PHLPP1: variants seen among roughly 807,000 people sequenced by gnomAD.
PHLPP1 encodes PH domain and leucine rich repeat protein phosphatase 1, also known as PH domain leucine-rich repeat-containing protein phosphatase 1.
A neutral mutation model predicts 117.2 loss-of-function variants in PHLPP1; 42 were observed. The observed-to-expected ratio is 0.36, with a 90% CI of 0.28 to 0.46. The LOEUF is 0.46. PHLPP1 is among the 20% of genes least tolerant of loss of function. PHLPP1 has a pLI of 1.00. For synonymous variants in PHLPP1, 1,042 were observed against 970.7 expected (o/e 1.07, Z -1.37); for missense variants, 2,084 against 2,241.9 (o/e 0.93, Z 1.42).
chr18:62,842,381 T>G (rs76491354), intron 3 of PHLPP1, among the ~76,000 whole-genome samples: 1 of 151,976 alleles, frequency 6.6e-6, no homozygotes, highest in African/African-American at 2.4e-5. Context: ...TTTTTTTTTT[T>G]GAGATGGAGT....
At chr18:62,794,590 A>AT (rs1227413524) in intron 1 of PHLPP1, among the ~76,000 whole-genome samples, 1 of 151,792 alleles carries the variant, frequency 6.6e-6, no homozygotes, top group Non-Finnish European at 1.5e-5. Flanking sequence ...GTCAAGGTTG[A>AT]TTTTCAACTC....
At chr18:62,875,206 G>A (rs1170249128) in intron 4 of PHLPP1, among the ~76,000 whole-genome samples, 3 of 151,990 alleles carry the variant, frequency 2.0e-5, no homozygotes, top group Non-Finnish European at 2.9e-5. Flanking sequence ...TGCCCACCTC[G>A]GCCTCCTGAA....
chr18:62,731,181 GT>G (rs1344190191), intron 1 of PHLPP1: 2 of 151,944 alleles, frequency 1.3e-5, no homozygotes, highest in African/African-American at 2.4e-5. Context: ...ATTTTGGTGA[GT>G]CTTGCAATAT....
intron 1 of PHLPP1, among the ~76,000 whole-genome samples, chr18:62,824,888 C>T (rs1301749384): frequency 6.6e-6 from 1 of 151,266 alleles, no homozygotes; most frequent in Non-Finnish European, 1.5e-5. Flanking sequence ...ACCACCCCCA[C>T]CCCCCATTTT....
chr18:62,748,205 A>G (rs1039693426), intron 1 of PHLPP1, among the ~76,000 whole-genome samples: 2 of 151,000 alleles, frequency 1.3e-5, no homozygotes, highest in African/African-American at 4.9e-5. Flanking sequence ...TTTTGAGGCT[A>G]TGTTGATAAA....
chr18:62,931,056 G>T (rs1909790897), intron 10 of PHLPP1, among the ~76,000 whole-genome samples: 1 of 152,034 alleles, frequency 6.6e-6, no homozygotes, highest in Admixed American at 6.5e-5. Flanking sequence ...AATTAGCCGG[G>T]AATGGTGGCA....
chr18:62,858,734 C>T (rs1216807534), intron 3 of PHLPP1, among the ~76,000 whole-genome samples: 1 of 151,990 alleles, frequency 6.6e-6, no homozygotes, highest in African/African-American at 2.4e-5. Context: ...AGTTTGAGAC[C>T]ATCCTGGGCA....
intron 1 of PHLPP1, among the ~76,000 whole-genome samples, chr18:62,786,657 A>G (rs1913294071): frequency 6.6e-6 from 1 of 152,124 alleles, no homozygotes; most frequent in African/African-American, 2.4e-5. Flanking sequence ...ATGAATAAAA[A>G]ATCATTGACT....
chr18:62,949,056 TTTA>T (rs1910378337), intron 12 of PHLPP1, among the ~76,000 whole-genome samples: 1 of 152,198 alleles, frequency 6.6e-6, no homozygotes, highest in African/African-American at 2.4e-5. Flanking sequence ...GTATTAAAAT[TTTA>T]TTATTGAGTT....
chr18:62,732,728 C>T (rs907662634), intron 1 of PHLPP1, among the ~76,000 whole-genome samples: 6 of 152,320 alleles, frequency 3.9e-5, no homozygotes, highest in African/African-American at 9.6e-5. Context: ...TTCACCATTC[C>T]GGATGCCATT....
chr18:62,824,176 ACT>A, intron 1 of PHLPP1: 1 of 455,804 alleles, frequency 2.2e-6, no homozygotes, highest in South Asian at 1.6e-5. Context: ...AGCATCGGGA[ACT>A]CTCTGCACTG....
intron 1 of PHLPP1, among the ~76,000 whole-genome samples, chr18:62,740,142 G>T (rs1207183864): frequency 7.7e-6 from 1 of 129,444 alleles, no homozygotes; most frequent in Non-Finnish European, 1.6e-5. Flanking sequence ...ATCTGTAGGG[G>T]TGTGTATGTG....
At chr18:62,925,378 G>A (rs983712089) in intron 10 of PHLPP1, among the ~76,000 whole-genome samples, 2 of 152,118 alleles carry the variant, frequency 1.3e-5, no homozygotes, top group Admixed American at 1.3e-4. Context: ...TTTATTCCTG[G>A]GTGGACTAGT....
chr18:62,746,132 C>T lies in PHLPP1; in HGVS notation c.1576+28873C>T, dbSNP rs192629012. On this transcript the variant is annotated intron_variant, in intron 1 of 16. Transcript: ENST00000262719. ...GATCTTGGCTCACCGCAACCTCCCC[C>T]TCCCGGGTTCAAGCGATTCTCCTGC... is the stretch of plus-strand genomic sequence containing the variant. Among the ~76,000 whole-genome samples, 746 of 152,320 alleles carry T rather than the reference C, an allele frequency of 4.9e-3. 7 individuals are homozygous for T. The highest frequency in any genetic ancestry group is 0.034 in the Middle Eastern group (10 of 294).
chr18:62,941,968 A>G, intron 11 of PHLPP1, 50 bp downstream of exon 11: 1 of 1,427,608 alleles, frequency 7.0e-7, no homozygotes, highest in Non-Finnish European at 9.8e-7. Flanking sequence ...CTCAAAGTGT[A>G]TTCATAGAAA....
At chr18:62,795,038 G>C (rs1393008750) in intron 1 of PHLPP1, among the ~76,000 whole-genome samples, 4 of 152,066 alleles carry the variant, frequency 2.6e-5, no homozygotes. Flanking sequence ...AATCTGCTTT[G>C]ATACTGCTTG....
intron 4 of PHLPP1, among the ~76,000 whole-genome samples, chr18:62,888,713 GAATT>G (rs1916345239): frequency 6.6e-6 from 1 of 152,058 alleles, no homozygotes; most frequent in South Asian, 2.1e-4. Context: ...ATGAATGAAT[GAATT>G]AATAAAAATA....
intron 9 of PHLPP1, among the ~76,000 whole-genome samples, chr18:62,919,416 C>CA (rs1226207173): frequency 7.2e-5 from 11 of 152,188 alleles, no homozygotes; most frequent in African/African-American, 2.7e-4. Flanking sequence ...CTAGAAAAAA[C>CA]AGACATACAG....
chr18:62,971,503 A>G (rs957880781), intron 14 of PHLPP1, among the ~76,000 whole-genome samples: 25 of 151,886 alleles, frequency 1.6e-4, no homozygotes, highest in African/African-American at 7.3e-5. Context: ...GCCGGGAACC[A>G]CTATCCTCCT....
Sources: allele counts gnomAD v4.1 joint callset (sites outside exome capture counted in the v4.1 genomes callset), GRCh38; gene constraint gnomAD v4.1.1; transcripts MANE v1.5; gene names NCBI Gene and HGNC (gene_info 2026-07-23, HGNC 2026-07-21).